Variants in FIGNL2 observed in about 807,000 individuals in gnomAD.
FIGNL2 encodes fidgetin-like protein 2.
For synonymous variants in FIGNL2, 565 were observed against 484.0 expected, an observed-to-expected ratio of 1.17 and a Z score of -2.20; for missense variants, 1,060 against 950.2, an observed-to-expected ratio of 1.12 and a Z score of -1.52.
chr12:51,822,547 A>G (rs2138973902), intron 1 of FIGNL2, 123 bp from the exon 2 acceptor site: 1 of 1,056,562 alleles, frequency 9.5e-7, no homozygotes, highest in Non-Finnish European at 1.4e-6. Flanking sequence ...GGCATCCACC[A>G]CCTACCGCCC....
At chr12:51,834,148 T>C (rs1346961666) in intron 1 of FIGNL2, among the ~76,000 whole-genome samples, 1 of 41,652 alleles carries the variant, frequency 2.4e-5, no homozygotes, top group East Asian at 6.7e-4. Context: ...TGGATGATCC[T>C]AGAGGCTTGA....
At chr12:51,845,458 C>G (rs924054161) in intron 1 of FIGNL2, 1 of 918,278 alleles carries the variant, frequency 1.1e-6, no homozygotes, top group Non-Finnish European at 1.2e-6. Flanking sequence ...TTGTGGCTCA[C>G]CGCCCCCCCC....
Position 51,819,737 on chromosome 12 carries a change from A to T in FIGNL2, c.*715T>A, listed in dbSNP as rs1939124673. The T allele has an allele frequency of 1.3e-5, 2 of 152,610 alleles. No individual in the cohort carries two copies. Among genetic ancestry groups the T allele is most frequent in the African/African-American group, 2.4e-5 (1 of 41,452 alleles). 9.5% of individuals were successfully genotyped at this position (152,610 alleles called of 1,614,324 possible). A position where few individuals can be genotyped will look rare whatever the true frequency, so the allele number is the denominator to read the frequency against. ...ATCTCCCCTCAAAAACAAACAAAAA[A>T]TTCCCCTTCTTTGGGGACTTTTTTT... On this transcript the variant is annotated 3_prime_UTR_variant, in exon 2 of 2. Coordinates refer to ENST00000618634, the MANE Select transcript of FIGNL2 (RefSeq NM_001384995.1).
chr12:51,822,064 C>T lies in FIGNL2; in HGVS notation c.350G>A (p.Gly117Glu). The T allele has an allele frequency of 1.2e-6, 2 of 1,610,602 alleles. No individual in the cohort carries two copies. Among genetic ancestry groups the T allele is most frequent in the Non-Finnish European group, 8.5e-7 (1 of 1,178,634 alleles). The stretch of plus-strand genomic sequence containing the variant: ...ACCGCCGCCACCGCCCGATTTGGTT[C>T]CTGGGAGGCCTTCGTGGAGTGAGGC... ...PLASLHEGLP[G>E]TKSGGGGGSG... The change falls in exon 2 of 2, where the codon GGA becomes GAA. Residue 117 changes from glycine to glutamate, a missense_variant. Coordinates refer to ENST00000618634, the MANE Select transcript of FIGNL2 (RefSeq NM_001384995.1).
At chr12:51,847,450 A>C in intron 1 of FIGNL2, 1 of 985,460 alleles carries the variant, frequency 1.0e-6, no homozygotes, top group Non-Finnish European at 1.2e-6. Context: ...GGACAACACA[A>C]ACATTCTTCA....
At position 51,821,104 on chromosome 12, in the gene FIGNL2, C is replaced by A; in HGVS notation, c.1310G>T (p.Gly437Val). 1 of 1,375,474 alleles carries A rather than the reference C, an allele frequency of 7.3e-7. No homozygotes were observed. The highest frequency in any genetic ancestry group is 9.3e-7 in the Non-Finnish European group (1 of 1,075,408). The allele number at this position is 1,375,474 out of a possible 1,614,324, so 85.2% of individuals were successfully genotyped here. Reference sequence around the variant, plus strand: ...GAGGCAGCGGCCCAGCAGCGCTTTGCCCGCGCCCCGCGGCCCAAAGAGCAG... The same window carrying A: ...GAGGCAGCGGCCCAGCAGCGCTTTGACCGCGCCCCGCGGCCCAAAGAGCAG... ...TVLLFGPRGA[G>V]KALLGRCLAT... The change falls in exon 2 of 2, where the codon GGC becomes GTC. Residue 437 changes from glycine to valine, a missense_variant. Physicochemically the swap from Gly to Val is moderately radical, Grantham distance 109. Coordinates refer to ENST00000618634, the MANE Select transcript of FIGNL2 (RefSeq NM_001384995.1).
At position 51,822,329 on chromosome 12, in the gene FIGNL2, C is replaced by T. The variant is rs1304014813; in HGVS notation, c.85G>A (p.Ala29Thr). ...CCAGGGGGCAACTCCAACTTGTGGGCCGGCGACGGGGTGGTGGAGGAGACG... is the reference window on the plus strand; with the variant it reads ...CCAGGGGGCAACTCCAACTTGTGGGTCGGCGACGGGGTGGTGGAGGAGACG... The part of the protein sequence containing the change: ...LDVSSTTPSP[A>T]HKLELPPGGR... The change falls in exon 2 of 2, where the codon GCC becomes ACC. Residue 29 changes from alanine (A) to threonine (T), a missense_variant. Coordinates refer to ENST00000618634, the MANE Select transcript of FIGNL2 (RefSeq NM_001384995.1). 7 of 1,613,066 alleles carry T rather than the reference C, an allele frequency of 4.3e-6. No individual in the cohort carries two copies. The highest frequency in any genetic ancestry group is 5.9e-6 in the Non-Finnish European group (7 of 1,179,608).
chr12:51,833,591 C>A (rs1218661473), intron 1 of FIGNL2, among the ~76,000 whole-genome samples: 1 of 152,166 alleles, frequency 6.6e-6, no homozygotes, highest in African/African-American at 2.4e-5. Context: ...CCCTTCCACA[C>A]CCTGGCCTCC....
chr12:51,830,105 A>G (rs1220368865), intron 1 of FIGNL2, among the ~76,000 whole-genome samples: 1 of 152,114 alleles, frequency 6.6e-6, no homozygotes, highest in East Asian at 1.9e-4. Flanking sequence ...CCTGGCCAAC[A>G]TGGTGAAACT....
At chr12:51,830,555 G>A (rs773450404) in intron 1 of FIGNL2, among the ~76,000 whole-genome samples, 8 of 145,720 alleles carry the variant, frequency 5.5e-5, no homozygotes, top group Non-Finnish European at 1.0e-4. Flanking sequence ...GCAGTGGTGC[G>A]ATCTCGGCTC....
At chr12:51,843,125 C>A (rs1415642501) in intron 1 of FIGNL2, among the ~76,000 whole-genome samples, 2 of 152,212 alleles carry the variant, frequency 1.3e-5, no homozygotes, top group African/African-American at 4.8e-5. Context: ...TAGGTGTCCA[C>A]TGCATGTGTG....
chr12:51,832,760 C>T (rs956435588), intron 1 of FIGNL2, among the ~76,000 whole-genome samples: 2 of 152,204 alleles, frequency 1.3e-5, no homozygotes, highest in East Asian at 1.9e-4. Flanking sequence ...CTGCACTCCG[C>T]ACTTTATTCA....
intron 1 of FIGNL2, among the ~76,000 whole-genome samples, chr12:51,832,932 T>G (rs1253677735): frequency 1.3e-5 from 2 of 152,322 alleles, no homozygotes; most frequent in Non-Finnish European, 2.9e-5. Context: ...CCAGAAACCT[T>G]GCGGTCATCC....
At chr12:51,840,993 G>C (rs971784594) in intron 1 of FIGNL2, among the ~76,000 whole-genome samples, 7 of 152,220 alleles carry the variant, frequency 4.6e-5, no homozygotes, top group African/African-American at 1.7e-4. Context: ...GGGTGGGAGA[G>C]AGACATGCCC....
Position 51,818,728 on chromosome 12 carries a change from TGGG to T in FIGNL2, c.*1721_*1723del, listed in dbSNP as rs962289735. 6.6e-6 allele frequency: 1 copy of T among 150,466 alleles called. No individual in the cohort carries two copies. Among genetic ancestry groups the T allele is most frequent in the Non-Finnish European group, 1.5e-5 (1 of 67,746 alleles). The allele number at this position is 150,466 out of a possible 1,614,324, so 9.3% of individuals were successfully genotyped here. ...AGATGGGAGAGAGAAAAAGTGGTGG[TGGG>T]GGGGCGTGTCCCCTGCTTTGGACTA... On this transcript the variant is annotated 3_prime_UTR_variant, in exon 2 of 2. Coordinates refer to ENST00000618634, the MANE Select transcript of FIGNL2 (RefSeq NM_001384995.1).
chr12:51,823,337 C>T (rs973241974), intron 1 of FIGNL2: 1 of 152,168 alleles, frequency 6.6e-6, no homozygotes, highest in Non-Finnish European at 1.5e-5. Flanking sequence ...TCCCAGTAGC[C>T]AAATAGGGAG....
Position 51,821,553 on chromosome 12 carries a change from C to G in FIGNL2, c.861G>C (p.Lys287Asn), listed in dbSNP as rs1312360392. The part of the protein sequence containing the change: ...RYRKYAYEPA[K>N]APVADGASYP... ...AGGAGGCTCCGTCAGCCACGGGGGCCTTGGCGGGCTCGTACGCGTACTTGC... is the reference window on the plus strand; with the variant it reads ...AGGAGGCTCCGTCAGCCACGGGGGCGTTGGCGGGCTCGTACGCGTACTTGC... The change falls in exon 2 of 2, where the codon AAG becomes AAC. Residue 287 changes from lysine (K) to asparagine (N), a missense_variant. Lys to Asn is a moderately conservative substitution (Grantham distance 94). Coordinates refer to ENST00000618634, the MANE Select transcript of FIGNL2 (RefSeq NM_001384995.1). The G allele has an allele frequency of 5.2e-6, 8 of 1,550,820 alleles. No individual in the cohort carries two copies. In the East Asian group the frequency reaches 1.7e-4, roughly 34 times the overall value.
intron 1 of FIGNL2, among the ~76,000 whole-genome samples, chr12:51,826,299 T>C (rs1282842069): frequency 6.6e-6 from 1 of 152,056 alleles, no homozygotes; most frequent in Non-Finnish European, 1.5e-5. Context: ...ATTGTCTACA[T>C]GCAGTGACAT....
At position 51,821,009 on chromosome 12, in the gene FIGNL2, C is replaced by T. The variant is rs1210837536; in HGVS notation, c.1405G>A (p.Gly469Ser). ...ATLAAPGAAE[G>S]ARLLQAAFAA... ...AAGGCGGCCTGGAGGAGGCGCGCGC[C>T]CTCGGCGGCGCCGGGCGCAGCCAGG... is the stretch of plus-strand genomic sequence containing the variant. The change falls in exon 2 of 2, where the codon GGC becomes AGC. Residue 469 changes from glycine to serine, a missense_variant. By Grantham distance (56) the Gly-to-Ser change is moderately conservative. Transcript: ENST00000618634. 23 of 1,180,938 alleles carry T rather than the reference C, an allele frequency of 1.9e-5. No homozygotes were observed. The highest frequency in any genetic ancestry group is 2.4e-5 in the Non-Finnish European group (23 of 957,358). The allele number at this position is 1,180,938 out of a possible 1,614,324, so 73.2% of individuals were successfully genotyped here.
Sources: allele counts gnomAD v4.1 joint callset (sites outside exome capture counted in the v4.1 genomes callset), GRCh38; gene constraint gnomAD v4.1.1; transcripts MANE v1.5; gene names NCBI Gene and HGNC (gene_info 2026-07-23, HGNC 2026-07-21).